PPIP5K2: variants seen among roughly 807,000 people sequenced by gnomAD.
The protein encoded by PPIP5K2 is diphosphoinositol pentakisphosphate kinase 2.
In PPIP5K2, 105 loss-of-function variants were observed where a neutral mutation model predicts 154.6. The observed-to-expected ratio is 0.68, with a 90% CI of 0.58 to 0.80. The LOEUF (loss-of-function observed/expected upper bound fraction) is 0.80. PPIP5K2 is among the 30% of genes least tolerant of loss of function. The probability of loss-of-function intolerance (pLI) is 0.00; values close to 1 mark genes in which losing one functional copy is unlikely to be tolerated. For missense variants in PPIP5K2, 992 were observed against 1,504.6 expected (o/e 0.66, Z 5.64); for synonymous variants, 480 against 490.3 (o/e 0.98, Z 0.28).
At chr5:103,197,750 G>A (rs1275850547) in intron 30 of PPIP5K2, among the ~76,000 whole-genome samples, 1 of 150,512 alleles carries the variant, frequency 6.6e-6, no homozygotes, top group African/African-American at 2.4e-5. Context: ...TAATTTTTTT[G>A]TGTTTTTAGT....
intron 19 of PPIP5K2, 110 bp downstream of exon 19, chr5:103,168,405 C>T (rs1797460661): frequency 1.3e-6 from 1 of 775,114 alleles, no homozygotes; most frequent in Admixed American, 2.6e-5. Context: ...AAACCAGTAA[C>T]TTTAAACAGG....
At chr5:103,194,834 T>C in intron 29 of PPIP5K2, 66 bp from the exon 30 acceptor site, 16 of 1,514,834 alleles carry the variant, frequency 1.1e-5, no homozygotes, top group Admixed American at 2.0e-5. Flanking sequence ...TAAGAAACTT[T>C]CTATGATGTT....
rs782617737 is a variant in PPIP5K2, at chr5:103,158,313, G to A, written c.1615G>A (p.Gly539Arg). 6.2e-7 allele frequency: 1 copy of A among 1,609,490 alleles called. No individual in the cohort carries two copies. The highest frequency in any genetic ancestry group is 1.7e-5 in the Admixed American group (1 of 58,574). Residue 539 changes from glycine (G) to arginine (R), a missense_variant and splice_region_variant, in exon 15 of 31, where the codon GGA becomes AGA. By Grantham distance (125) the Gly-to-Arg change is moderately radical. Transcript: ENST00000358359. ...AFRCMYPGGQ[G>R]DYAGFPGCGL... ...CAGGTGTATGTATCCTGGAGGTCAA[G>A]GTAAATCTTAGAGTTTTCTTTAATT...
chr5:103,145,719 C>T (rs1324116531), intron 5 of PPIP5K2, among the ~76,000 whole-genome samples: 1 of 151,794 alleles, frequency 6.6e-6, no homozygotes, highest in Non-Finnish European at 1.5e-5. Flanking sequence ...ATACTTGTTA[C>T]TGGAGGGAAG....
chr5:103,155,040 C>G, intron 13 of PPIP5K2, 97 bp downstream of exon 13: 4 of 637,548 alleles, frequency 6.3e-6, no homozygotes, highest in Non-Finnish European at 7.2e-6. Flanking sequence ...ACAGTCTGAT[C>G]TTTTTACTCT....
At chr5:103,187,784 A>C (rs974903307) in intron 28 of PPIP5K2, among the ~76,000 whole-genome samples, 8 of 152,174 alleles carry the variant, frequency 5.3e-5, no homozygotes, top group Non-Finnish European at 1.0e-4. Context: ...TATTTAAACA[A>C]AAATACAGAG....
At chr5:103,140,244 T>G (rs1554205960) in intron 5 of PPIP5K2, among the ~76,000 whole-genome samples, 2 of 151,698 alleles carry the variant, frequency 1.3e-5, no homozygotes, top group African/African-American at 4.8e-5. Context: ...AGAAAGTTTA[T>G]TGAAATAAGC....
intron 5 of PPIP5K2, among the ~76,000 whole-genome samples, chr5:103,142,147 C>T (rs1554207062): frequency 6.6e-6 from 1 of 152,238 alleles, no homozygotes. Context: ...GAGGCTCAGG[C>T]ATAGCAGGCT....
At chr5:103,176,862 AAAGACCAAT>A in intron 21 of PPIP5K2, 1 of 1,415,118 alleles carries the variant, frequency 7.1e-7, no homozygotes, top group Non-Finnish European at 9.6e-7. Context: ...TTACATGTTT[AAAGACCAAT>A]GATTCTCAGA....
chr5:103,201,201 C>T (rs1238931804), intron 30 of PPIP5K2, among the ~76,000 whole-genome samples: 3 of 152,098 alleles, frequency 2.0e-5, no homozygotes, highest in Non-Finnish European at 4.4e-5. Context: ...AAGGAAAAGG[C>T]CCAGGCCAGA....
intron 17 of PPIP5K2, 139 bp from the exon 18 acceptor site, chr5:103,167,040 G>T: frequency 1.7e-6 from 1 of 587,838 alleles, no homozygotes; most frequent in Non-Finnish European, 2.7e-6. Context: ...GGTGTTCAAG[G>T]GTCAACTGTA....
chr5:103,180,184 A>G lies in PPIP5K2; in HGVS notation c.2918A>G (p.Asn973Ser). 6.3e-7 allele frequency: 1 copy of G among 1,589,860 alleles called. No homozygotes were observed. The highest frequency in any genetic ancestry group is 2.3e-5 in the East Asian group (1 of 43,274). The part of the protein sequence containing the change: ...PLPRSRKTAT[N>S]DEESPLSVSS... The stretch of plus-strand genomic sequence containing the variant: ...CCAAGATCTAGGAAGACGGCTACAA[A>G]TGATGTAAGTATATGTATCAGAACA... The change falls in exon 24 of 31, where the codon AAT becomes AGT. Residue 973 changes from asparagine (N) to serine (S), a missense_variant. Coordinates refer to ENST00000358359, the MANE Select transcript of PPIP5K2 (RefSeq NM_001276277.3).
In PPIP5K2 at chr5:103,167,266, A is replaced by G. The variant is rs1169207950; in HGVS notation, c.2008A>G (p.Ile670Val). Residue 670 changes from isoleucine (I) to valine (V), a missense_variant, in exon 18 of 31, where the codon ATT (isoleucine) becomes GTT (valine). Around this residue, in one of 9 missense-constraint regions of PPIP5K2, gnomAD observed 82 missense variants for 91.8 expected, o/e 0.89. Coordinates refer to ENST00000358359, the MANE Select transcript of PPIP5K2 (RefSeq NM_001276277.3). The stretch of plus-strand genomic sequence containing the variant: ...GACCTGTGATAAAGTTTATTCCTTA[A>G]TTCAGAGTTTGACTTCTCAAATCAG... ...VKTCDKVYSL[I>V]QSLTSQIRHR... 4 of 1,594,394 alleles carry G rather than the reference A, an allele frequency of 2.5e-6. No homozygotes were observed. The highest frequency in any genetic ancestry group is 3.4e-6 in the Non-Finnish European group (4 of 1,170,268).
At chr5:103,176,873 A>T in intron 21 of PPIP5K2, 1 of 1,434,264 alleles carries the variant, frequency 7.0e-7, no homozygotes, top group Non-Finnish European at 9.4e-7. Context: ...AAGACCAATG[A>T]TTCTCAGAAT....
At chr5:103,196,098 C>T (rs544992401) in intron 30 of PPIP5K2, among the ~76,000 whole-genome samples, 1 of 152,294 alleles carries the variant, frequency 6.6e-6, no homozygotes, top group Admixed American at 6.5e-5. Context: ...AATTATTATA[C>T]TGTATCCAGT....
chr5:103,152,863 A>G, intron 10 of PPIP5K2, 114 bp downstream of exon 10: 1 of 653,184 alleles, frequency 1.5e-6, no homozygotes, highest in Non-Finnish European at 2.6e-6. Flanking sequence ...ATGATTTCAT[A>G]TGATTCAGCT....
chr5:103,145,801 C>A (rs1016308070), intron 5 of PPIP5K2, among the ~76,000 whole-genome samples: 9 of 151,826 alleles, frequency 5.9e-5, no homozygotes, highest in African/African-American at 2.2e-4. Context: ...TAAATAAGAT[C>A]CAGTATTTGG....
chr5:103,146,555 T>C lies in PPIP5K2; in HGVS notation c.516T>C (p.His172=). 2 of 1,611,456 alleles carry C rather than the reference T, an allele frequency of 1.2e-6. No homozygotes were observed. Among genetic ancestry groups the C allele is most frequent in the Non-Finnish European group, 1.7e-6 (2 of 1,178,964 alleles). ...GTAATCTGATTGAAGGGGAAGATCA[T>C]GTAGAAGTAAATGGGGAAGTTTTTC... ...KECNLIEGED[H]VEVNGEVFQK... Residue 172 remains histidine, a synonymous_variant, in exon 6 of 31, where the codon CAT becomes CAC. Coordinates refer to ENST00000358359, the MANE Select transcript of PPIP5K2 (RefSeq NM_001276277.3).
At chr5:103,133,182 T>C (rs1790920879) in intron 2 of PPIP5K2, among the ~76,000 whole-genome samples, 1 of 152,208 alleles carries the variant, frequency 6.6e-6, no homozygotes, top group African/African-American at 2.4e-5. Context: ...GAGGGGGTAC[T>C]TTCTTAGTTT....
Sources: allele counts gnomAD v4.1 joint callset (sites outside exome capture counted in the v4.1 genomes callset), GRCh38; gene constraint gnomAD v4.1.1; regional missense constraint gnomAD v4.1.1; transcripts MANE v1.5; gene names NCBI Gene and HGNC (gene_info 2026-07-23, HGNC 2026-07-21).